MBTD1: variants seen among roughly 807,000 people sequenced by gnomAD.
MBTD1 encodes the protein mbt domain containing 1, also known as MBT domain-containing protein 1.
Under a neutral mutation model 87.8 loss-of-function variants are expected in MBTD1, and 24 were observed. The ratio of observed to expected loss-of-function variants is 0.27; its 90% CI spans 0.20 to 0.38. MBTD1 has a LOEUF of 0.38. MBTD1 is among the 10% of genes least tolerant of loss of function. MBTD1 has a pLI of 1.00. For synonymous variants in MBTD1, 237 were observed against 248.6 expected (o/e 0.95, Z 0.44); for missense variants, 436 against 760.2 (o/e 0.57, Z 5.02).
In MBTD1 at chr17:51,195,229, G is replaced by A. The variant is rs2051031852; in HGVS notation, c.1357C>T (p.Leu453Phe). The A allele has an allele frequency of 6.2e-7, 1 of 1,613,252 alleles. No individual in the cohort carries two copies. Reference sequence around the variant, plus strand: ...GATGAAGTACCTCTGGGTGGAGTAAGTTCAATCATGTTAATTTCACAGAAA... The same window carrying A: ...GATGAAGTACCTCTGGGTGGAGTAAATTCAATCATGTTAATTTCACAGAAA... ...VGFCEINMIE[L>F]TPPRGYTKLP... The change falls in exon 13 of 17, where the codon CTT becomes TTT. Residue 453 changes from leucine (L) to phenylalanine (F), a missense_variant. Coordinates refer to ENST00000586178, the MANE Select transcript of MBTD1 (RefSeq NM_017643.3).
At chr17:51,204,792 T>C (rs1266999648) in intron 7 of MBTD1, among the ~76,000 whole-genome samples, 2 of 152,206 alleles carry the variant, frequency 1.3e-5, no homozygotes, top group African/African-American at 4.8e-5. Flanking sequence ...TGAGCCACTG[T>C]GCTTGGCCTT....
intron 12 of MBTD1, among the ~76,000 whole-genome samples, chr17:51,197,049 T>G (rs1253041743): frequency 0.01 from 3 of 296 alleles, no homozygotes; most frequent in South Asian, 0.25. Flanking sequence ...AAGATATATA[T>G]ATATATATAT....
At chr17:51,196,478 C>A (rs906171983) in intron 12 of MBTD1, among the ~76,000 whole-genome samples, 2 of 152,066 alleles carry the variant, frequency 1.3e-5, no homozygotes, top group South Asian at 4.1e-4. Context: ...CCCACCTTGG[C>A]CAGGCTGCCC....
At chr17:51,239,512 C>G (rs1333030280) in intron 2 of MBTD1, among the ~76,000 whole-genome samples, 1 of 152,192 alleles carries the variant, frequency 6.6e-6, no homozygotes, top group Non-Finnish European at 1.5e-5. Context: ...TTTTCCCTCT[C>G]AACCATTAAT....
At chr17:51,213,900 C>G (rs1568186685) in intron 6 of MBTD1, among the ~76,000 whole-genome samples, 1 of 148,474 alleles carries the variant, frequency 6.7e-6, no homozygotes, top group Non-Finnish European at 1.5e-5. Flanking sequence ...GAATTCTTGC[C>G]AATGTATGGC....
Position 51,179,506 on chromosome 17 carries a change from A to ATATATT in MBTD1, c.*1069_*1070insAATATA, listed in dbSNP as rs2050218937. On this transcript the variant is annotated 3_prime_UTR_variant, in exon 17 of 17. Transcript: ENST00000586178. The stretch of plus-strand genomic sequence containing the variant: ...ATTTTATATATATATATATATATAT[A>ATATATT]TATATATATATATATATATATATAT... 2.4e-5 allele frequency: 2 copies of ATATATT among 82,334 alleles called. No homozygotes were observed. Among genetic ancestry groups the ATATATT allele is most frequent in the Non-Finnish European group, 2.5e-5 (1 of 39,382 alleles). The allele number at this position is 82,334 out of a possible 1,614,324, so 5.1% of individuals were successfully genotyped here.
chr17:51,227,242 CAAAAAAA>C (rs71149355), intron 2 of MBTD1, among the ~76,000 whole-genome samples: 2 of 115,606 alleles, frequency 1.7e-5, no homozygotes, highest in Non-Finnish European at 3.6e-5. Context: ...ACTCTGTCTC[CAAAAAAA>C]AAAAAAAAAA....
intron 12 of MBTD1, among the ~76,000 whole-genome samples, chr17:51,200,566 A>AAAG (rs2051406591): frequency 2.0e-5 from 3 of 150,724 alleles, no homozygotes; most frequent in Non-Finnish European, 3.0e-5. Flanking sequence ...TCTCAAAAAA[A>AAAG]AAAAAAAAAA....
At chr17:51,257,483 G>C (rs1027314038) in intron 2 of MBTD1, among the ~76,000 whole-genome samples, 2 of 152,096 alleles carry the variant, frequency 1.3e-5, no homozygotes, top group African/African-American at 4.8e-5. Flanking sequence ...TGTTACATTT[G>C]AAAACAATTT....
At chr17:51,230,462 T>C (rs533600288) in intron 2 of MBTD1, among the ~76,000 whole-genome samples, 29 of 152,232 alleles carry the variant, frequency 1.9e-4, no homozygotes, top group African/African-American at 6.7e-4. Context: ...ACAAGATCCA[T>C]GGTTTTCAGG....
intron 7 of MBTD1, among the ~76,000 whole-genome samples, chr17:51,204,593 C>G (rs2051704702): frequency 7.2e-6 from 1 of 139,722 alleles, no homozygotes; most frequent in African/African-American, 2.7e-5. Context: ...ACCTCTGCCT[C>G]CTGGGTTCAA....
chr17:51,216,821 T>C (rs1207939625), intron 6 of MBTD1, among the ~76,000 whole-genome samples: 1 of 152,170 alleles, frequency 6.6e-6, no homozygotes, highest in Non-Finnish European at 1.5e-5. Flanking sequence ...TGACCTCAAG[T>C]GATCCTCCTG....
intron 12 of MBTD1, among the ~76,000 whole-genome samples, chr17:51,197,652 G>A (rs2051214056): frequency 6.6e-6 from 1 of 151,552 alleles, no homozygotes; most frequent in Admixed American, 6.6e-5. Context: ...GTCTATAGGT[G>A]TGCCACCACA....
rs2050177689 is a variant in MBTD1 at position 51,178,656 on chromosome 17, A to G, written c.*1920T>C. The G allele has an allele frequency of 6.6e-6, 1 of 152,222 alleles. No individual in the cohort carries two copies. Among genetic ancestry groups the G allele is most frequent in the Admixed American group, 6.5e-5 (1 of 15,280 alleles). 9.4% of individuals were successfully genotyped at this position (152,222 alleles called of 1,614,324 possible). A position where few individuals can be genotyped will look rare whatever the true frequency, so the allele number is the denominator to read the frequency against. On this transcript the variant is annotated 3_prime_UTR_variant, in exon 17 of 17. Transcript: ENST00000586178. Reference sequence around the variant, plus strand: ...TACTTCTAGGCTTTAAGTTTACAAGAAGATTTTTCAAAGTTAAAGATATGG... The same window carrying G: ...TACTTCTAGGCTTTAAGTTTACAAGGAGATTTTTCAAAGTTAAAGATATGG...
intron 16 of MBTD1, among the ~76,000 whole-genome samples, chr17:51,190,190 C>T (rs1172227981): frequency 2.6e-5 from 4 of 152,188 alleles, no homozygotes; most frequent in South Asian, 2.1e-4. Flanking sequence ...CAAATCAGCA[C>T]GTACCTGAGC....
Position 51,202,030 on chromosome 17 carries a change from A to T in MBTD1, c.1111T>A (p.Phe371Ile). ...TTATAAAAACTTCTTACCTTAGCAA[A>T]TAAATGTGGTGGTGTATCAAAATGT... ...DGHFDTPPHL[F>I]AKVKEVDQSG... is the part of the protein sequence containing the mutation. Residue 371 changes from phenylalanine to isoleucine, a missense_variant, in exon 11 of 17, where the codon TTT (phenylalanine) becomes ATT (isoleucine). This residue lies in a region of MBTD1 where 268 missense variants were observed against 401.8 expected (regional missense o/e 0.67). Transcript: ENST00000586178. 6.2e-7 allele frequency: 1 copy of T among 1,605,966 alleles called. No homozygotes were observed. Among genetic ancestry groups the T allele is most frequent in the South Asian group, 1.1e-5 (1 of 90,564 alleles).
At chr17:51,219,123 C>A (rs2052741498) in intron 4 of MBTD1, 79 bp from the exon 5 acceptor site, 2 of 698,034 alleles carry the variant, frequency 2.9e-6, no homozygotes, top group Middle Eastern at 2.4e-4. Context: ...GCATACTACA[C>A]ATTCTGCTTA....
chr17:51,228,755 G>A (rs1228086525), intron 2 of MBTD1, among the ~76,000 whole-genome samples: 1 of 151,678 alleles, frequency 6.6e-6, no homozygotes, highest in Non-Finnish European at 1.5e-5. Flanking sequence ...AAATTAGCCG[G>A]GAGCAGTGGT....
chr17:51,196,139 T>C (rs2051088016), intron 12 of MBTD1, among the ~76,000 whole-genome samples: 1 of 152,086 alleles, frequency 6.6e-6, no homozygotes, highest in Admixed American at 6.5e-5. Flanking sequence ...CTCAAACTCC[T>C]GGGCTCAAGT....
Sources: allele counts gnomAD v4.1 joint callset (sites outside exome capture counted in the v4.1 genomes callset), GRCh38; gene constraint gnomAD v4.1.1; regional missense constraint gnomAD v4.1.1; transcripts MANE v1.5; gene names NCBI Gene and HGNC (gene_info 2026-07-23, HGNC 2026-07-21).